The following KCNB2 variants were observed in gnomAD, a reference collection of about 807,000 sequenced individuals.
The protein encoded by KCNB2 is potassium voltage-gated channel subfamily B member 2, also known as delayed rectifier potassium channel protein.
A neutral mutation model predicts 61.5 loss-of-function variants in KCNB2; 15 were observed. The observed-to-expected ratio is 0.24, with a 90% CI of 0.16 to 0.38. The LOEUF (loss-of-function observed/expected upper bound fraction) is 0.38, where lower values mean the gene tolerates loss of function less well. KCNB2 is among the 10% of genes least tolerant of loss of function. The probability of loss-of-function intolerance (pLI) is 1.00; values close to 1 mark genes in which losing one functional copy is unlikely to be tolerated. For synonymous variants in KCNB2, 457 were observed against 446.0 expected (o/e 1.02, Z -0.31); for missense variants, 828 against 1,125.2 (o/e 0.74, Z 3.78).
intron 1 of KCNB2, among the ~76,000 whole-genome samples, chr8:72,560,528 C>A (rs1806495639): frequency 1.3e-5 from 2 of 152,078 alleles, no homozygotes; most frequent in South Asian, 4.2e-4. Flanking sequence ...TTTTTTTCAT[C>A]ACCTTTCATC....
intron 2 of KCNB2, among the ~76,000 whole-genome samples, chr8:72,900,102 A>T (rs778410688): frequency 1.3e-5 from 2 of 152,186 alleles, no homozygotes; most frequent in Non-Finnish European, 2.9e-5. Context: ...AAACTATACT[A>T]CAAGGCTGCA....
At chr8:72,857,855 A>G (rs1453999971) in intron 2 of KCNB2, among the ~76,000 whole-genome samples, 1 of 152,200 alleles carries the variant, frequency 6.6e-6, no homozygotes, top group East Asian at 1.9e-4. Flanking sequence ...CAATAGAGAA[A>G]CTGAAGCTCT....
intron 2 of KCNB2, among the ~76,000 whole-genome samples, chr8:72,917,361 A>T (rs1451099600): frequency 1.3e-5 from 2 of 151,002 alleles, no homozygotes; most frequent in African/African-American, 4.9e-5. Context: ...AATATGTGAG[A>T]TATCACCCTT....
intron 1 of KCNB2, among the ~76,000 whole-genome samples, chr8:72,559,500 G>C (rs1229497545): frequency 6.6e-6 from 1 of 152,180 alleles, no homozygotes; most frequent in African/African-American, 2.4e-5. Context: ...TTCTACAAGA[G>C]ATGGCCCTGA....
At chr8:72,558,189 C>A (rs1806458352) in intron 1 of KCNB2, among the ~76,000 whole-genome samples, 1 of 152,202 alleles carries the variant, frequency 6.6e-6, no homozygotes, top group African/African-American at 2.4e-5. Flanking sequence ...TTTAAGCCCT[C>A]ATGGCAACTT....
chr8:72,707,883 CA>C lies in KCNB2; in HGVS notation c.579+139577del, dbSNP rs201030062. ...GCATTAGGGTAATTTGAGGGCAGTG[CA>C]AAAAAAGGGACCTTTTACAAAGGTG... On this transcript the variant is annotated intron_variant, in intron 2 of 2. Transcript: ENST00000523207. Among the ~76,000 whole-genome samples the C allele has an allele frequency of 4.3e-3, 650 of 151,894 alleles. 17 individuals carry two copies. In the East Asian group the frequency reaches 0.066, roughly 15 times the overall value.
At chr8:72,785,429 C>A (rs1327564685) in intron 2 of KCNB2, among the ~76,000 whole-genome samples, 2 of 151,998 alleles carry the variant, frequency 1.3e-5, no homozygotes, top group Non-Finnish European at 1.5e-5. Context: ...GTGATGAGAG[C>A]CATTGAGGAA....
At chr8:72,701,636 A>C (rs906231573) in intron 2 of KCNB2, among the ~76,000 whole-genome samples, 2 of 152,206 alleles carry the variant, frequency 1.3e-5, no homozygotes, top group Non-Finnish European at 2.9e-5. Context: ...ATCATTATCA[A>C]TACTATTTTT....
intron 2 of KCNB2, among the ~76,000 whole-genome samples, chr8:72,648,082 G>T (rs1174450162): frequency 6.6e-6 from 1 of 152,132 alleles, no homozygotes; most frequent in African/African-American, 2.4e-5. Context: ...AAAGGGGGCT[G>T]GATCATCCCA....
intron 2 of KCNB2, among the ~76,000 whole-genome samples, chr8:72,579,385 C>G (rs1182549024): frequency 6.6e-6 from 1 of 152,158 alleles, no homozygotes; most frequent in African/African-American, 2.4e-5. Flanking sequence ...AAGAAGCTAG[C>G]TCACCCTCCA....
At chr8:72,561,802 T>C in intron 1 of KCNB2, among the ~76,000 whole-genome samples, 1 of 129,630 alleles carries the variant, frequency 7.7e-6, no homozygotes, top group African/African-American at 2.9e-5. Context: ...TATATATATA[T>C]ATGAATGATA....
At chr8:72,843,194 C>G (rs1231294836) in intron 2 of KCNB2, among the ~76,000 whole-genome samples, 2 of 152,162 alleles carry the variant, frequency 1.3e-5, no homozygotes, top group Non-Finnish European at 2.9e-5. Flanking sequence ...TCGTTATTTA[C>G]CCAGTAATCA....
intron 2 of KCNB2, among the ~76,000 whole-genome samples, chr8:72,882,208 G>A (rs1005042557): frequency 2.0e-5 from 3 of 152,054 alleles, no homozygotes; most frequent in Admixed American, 1.3e-4. Context: ...GTGGTTTTTC[G>A]GGTGAAACAG....
intron 2 of KCNB2, among the ~76,000 whole-genome samples, chr8:72,584,152 C>G (rs1435837735): frequency 6.6e-6 from 1 of 150,986 alleles, no homozygotes; most frequent in African/African-American, 2.4e-5. Context: ...AACATTTAGA[C>G]AAAAGTAAAA....
chr8:72,834,368 T>C (rs1469269538), intron 2 of KCNB2, among the ~76,000 whole-genome samples: 1 of 152,158 alleles, frequency 6.6e-6, no homozygotes, highest in Non-Finnish European at 1.5e-5. Context: ...AGGAAAGCAA[T>C]TCATAGGAGA....
At chr8:72,683,370 A>G (rs555303384) in intron 2 of KCNB2, among the ~76,000 whole-genome samples, 1 of 152,338 alleles carries the variant, frequency 6.6e-6, no homozygotes, top group East Asian at 1.9e-4. Context: ...GCCAGTATAG[A>G]AAGAAAGAAG....
intron 2 of KCNB2, among the ~76,000 whole-genome samples, chr8:72,768,554 G>A (rs1808499473): frequency 1.3e-5 from 2 of 151,946 alleles, no homozygotes; most frequent in South Asian, 4.2e-4. Context: ...TTTTGCTATA[G>A]TCCCAGTCCA....
At chr8:72,829,594 G>A (rs1662376437) in intron 2 of KCNB2, among the ~76,000 whole-genome samples, 1 of 152,148 alleles carries the variant, frequency 6.6e-6, no homozygotes, top group South Asian at 2.1e-4. Context: ...CCTCACAGAT[G>A]GGGAAAGTGA....
chr8:72,773,059 C>T (rs1462477546), intron 2 of KCNB2, among the ~76,000 whole-genome samples: 1 of 152,156 alleles, frequency 6.6e-6, no homozygotes, highest in Non-Finnish European at 1.5e-5. Context: ...CATAATAATC[C>T]TCCTCTTTAG....
Sources: allele counts gnomAD v4.1 joint callset (sites outside exome capture counted in the v4.1 genomes callset), GRCh38; gene constraint gnomAD v4.1.1; transcripts MANE v1.5; gene names NCBI Gene and HGNC (gene_info 2026-07-23, HGNC 2026-07-21).